The following BRWD1 variants were observed in gnomAD, a reference collection of about 807,000 sequenced individuals.
The protein encoded by BRWD1 is bromodomain and WD repeat-containing protein 1.
In BRWD1, 82 loss-of-function variants were observed where a neutral mutation model predicts 251.2. The ratio of observed to expected loss-of-function variants is 0.33; its 90% CI spans 0.27 to 0.39. The LOEUF is 0.39. BRWD1 is among the 10% of genes least tolerant of loss of function. The pLI, the probability that BRWD1 is intolerant of heterozygous loss-of-function variation, is 1.00. For missense variants in BRWD1, 2,233 were observed against 2,711.6 expected, an observed-to-expected ratio of 0.82 and a Z score of 3.92; for synonymous variants, 918 against 902.8, an observed-to-expected ratio of 1.02 and a Z score of -0.30.
chr21:39,234,648 T>C (rs1291534553), intron 23 of BRWD1, among the ~76,000 whole-genome samples: 1 of 152,170 alleles, frequency 6.6e-6, no homozygotes, highest in Non-Finnish European at 1.5e-5. Context: ...ACAATTTAAA[T>C]GGGGCAAAAG....
chr21:39,203,102 G>A (rs1256678203), intron 37 of BRWD1, among the ~76,000 whole-genome samples: 1 of 152,234 alleles, frequency 6.6e-6, no homozygotes. Context: ...AAGGAGAATG[G>A]AAGTTTAAGG....
intron 31 of BRWD1, 64 bp from the exon 32 acceptor site, chr21:39,215,426 T>A: frequency 4.2e-6 from 6 of 1,412,832 alleles, no homozygotes; most frequent in Non-Finnish European, 5.9e-6. Context: ...AGTGAAAAAA[T>A]GCAGCATGTG....
chr21:39,313,016 C>A (rs1376848691), intron 3 of BRWD1, 56 bp downstream of exon 3: 1 of 1,208,058 alleles, frequency 8.3e-7, no homozygotes, highest in African/African-American at 1.8e-5. Flanking sequence ...GAGCATCCCT[C>A]AGGGCAAGGT....
chr21:39,308,781 CA>C lies in BRWD1; in HGVS notation c.198+4059del, dbSNP rs568988521. Among the ~76,000 whole-genome samples the C allele has an allele frequency of 4.4e-3, 675 of 152,188 alleles. 5 individuals are homozygous for C. The highest frequency in any genetic ancestry group is 0.016 in the African/African-American group (652 of 41,526). ...GTTACCATCATAAGGAACAATAAGA[CA>C]AATACAGAATGTAAAACATTCTACA... On this transcript the variant is annotated intron_variant, in intron 4 of 40. Coordinates refer to ENST00000342449, the MANE Select transcript of BRWD1 (RefSeq NM_033656.4).
chr21:39,219,787 A>C (rs2033099960), intron 29 of BRWD1: 1 of 152,228 alleles, frequency 6.6e-6, no homozygotes, highest in African/African-American at 2.4e-5. Flanking sequence ...GGAATTTTTT[A>C]AACATGGATG....
intron 4 of BRWD1, among the ~76,000 whole-genome samples, chr21:39,301,809 C>T (rs945098355): frequency 6.8e-6 from 1 of 147,994 alleles, no homozygotes; most frequent in Non-Finnish European, 1.5e-5. Context: ...AGACCAAAAA[C>T]AACATTATTT....
chr21:39,222,989 C>G (rs1306395138), intron 29 of BRWD1, among the ~76,000 whole-genome samples: 1 of 152,040 alleles, frequency 6.6e-6, no homozygotes, highest in Non-Finnish European at 1.5e-5. Flanking sequence ...ACATCAAACC[C>G]AAACTAATGG....
chr21:39,236,208 G>A (rs1270974917), intron 23 of BRWD1, among the ~76,000 whole-genome samples: 1 of 152,158 alleles, frequency 6.6e-6, no homozygotes, highest in East Asian at 1.9e-4. Context: ...GTCCTGCAAA[G>A]GACTCCGCAT....
In BRWD1 at chr21:39,192,766, A is replaced by G. The variant is rs2031618271; in HGVS notation, c.*3493T>C. 1.0e-6 allele frequency: 1 copy of G among 985,180 alleles called. No homozygotes were observed. The highest frequency in any genetic ancestry group is 1.2e-6 in the Non-Finnish European group (1 of 829,750). 61.0% of individuals were successfully genotyped at this position (985,180 alleles called of 1,614,324 possible). On this transcript the variant is annotated 3_prime_UTR_variant, in exon 41 of 41. Coordinates refer to ENST00000342449, the MANE Select transcript of BRWD1 (RefSeq NM_033656.4). The stretch of plus-strand genomic sequence containing the variant: ...TGGAGTGGAAAGGAAAACAAAAAAG[A>G]TCGTAAGCACCTTTAACAATGTTCT...
intron 19 of BRWD1, among the ~76,000 whole-genome samples, chr21:39,252,016 C>G (rs925080297): frequency 6.6e-6 from 1 of 151,972 alleles, no homozygotes; most frequent in Non-Finnish European, 1.5e-5. Flanking sequence ...CCTGTAATCC[C>G]AGCACTTTAG....
chr21:39,185,892 A>G lies in BRWD1; in HGVS notation c.*10367T>C, dbSNP rs2031204769. The G allele has an allele frequency of 6.6e-6, 1 of 152,200 alleles. No homozygotes were observed. Among genetic ancestry groups the G allele is most frequent in the African/African-American group, 2.4e-5 (1 of 41,460 alleles). 9.4% of individuals were successfully genotyped at this position (152,200 alleles called of 1,614,324 possible). A position where few individuals can be genotyped will look rare whatever the true frequency, so the allele number is the denominator to read the frequency against. ...CTATGTTAAAAAGATGCGACAGTATATTCATTTAATCTGGCAATTTTAATT... is the reference window on the plus strand; with the variant it reads ...CTATGTTAAAAAGATGCGACAGTATGTTCATTTAATCTGGCAATTTTAATT... On this transcript the variant is annotated 3_prime_UTR_variant, in exon 41 of 41. Coordinates refer to ENST00000342449, the MANE Select transcript of BRWD1 (RefSeq NM_033656.4).
In BRWD1 at chr21:39,311,781, G is replaced by T. The variant is rs1354038081; in HGVS notation, c.198+1060C>A. ...CAAATATTAAAATTATTTATTACTT[G>T]CACCAGGCTTCAAGTGTTAACTGTT... On this transcript the variant is annotated intron_variant, in intron 4 of 40. Transcript: ENST00000342449. Among the ~76,000 whole-genome samples the T allele has an allele frequency of 2.0e-5, 3 of 152,252 alleles. No individual in the cohort carries two copies. In the East Asian group the frequency reaches 5.8e-4, roughly 29 times the overall value.
Position 39,218,248 on chromosome 21 carries a change from G to A in BRWD1, c.3563C>T (p.Pro1188Leu). 6.2e-7 allele frequency: 1 copy of A among 1,609,312 alleles called. No homozygotes were observed. Among genetic ancestry groups the A allele is most frequent in the Non-Finnish European group, 8.5e-7 (1 of 1,178,940 alleles). Residue 1188 changes from proline to leucine, a missense_variant, in exon 31 of 41, where the codon CCT (proline) becomes CTT (leucine). This residue lies in a region of BRWD1 where 167 missense variants were observed against 183.2 expected (regional missense o/e 0.91). Coordinates refer to ENST00000342449, the MANE Select transcript of BRWD1 (RefSeq NM_033656.4). ...NLDIAAAFAGPVDLCTYPKYC... is the reference protein window; with the variant it reads ...NLDIAAAFAGLVDLCTYPKYC... ...CTTCGGGTATGTACACAAATCAACA[G>A]GGCCTGCAAAAGCTGCTGCTATATC...
chr21:39,233,109 G>C (rs1326777068), intron 23 of BRWD1, among the ~76,000 whole-genome samples: 1 of 152,152 alleles, frequency 6.6e-6, no homozygotes, highest in Non-Finnish European at 1.5e-5. Flanking sequence ...AACTCAAGCA[G>C]CCAGCTTGAG....
intron 29 of BRWD1, among the ~76,000 whole-genome samples, chr21:39,218,963 T>C (rs576970184): frequency 1.3e-5 from 2 of 152,276 alleles, no homozygotes; most frequent in East Asian, 1.9e-4. Flanking sequence ...AAAACACAAA[T>C]TGAACCTGAC....
intron 22 of BRWD1, 130 bp from the exon 23 acceptor site, chr21:39,236,914 G>A (rs2033831155): frequency 5.6e-6 from 4 of 718,478 alleles, no homozygotes; most frequent in African/African-American, 3.6e-5. Context: ...GACTTAACTT[G>A]AGCATTCTCC....
chr21:39,236,716 G>A lies in BRWD1; in HGVS notation c.2645C>T (p.Thr882Ile). The A allele has an allele frequency of 1.2e-6, 2 of 1,614,106 alleles. No individual in the cohort carries two copies. The highest frequency in any genetic ancestry group is 8.5e-7 in the Non-Finnish European group (1 of 1,180,006). The change falls in exon 23 of 41, where the codon ACA becomes ATA. Residue 882 changes from threonine (T) to isoleucine (I), a missense_variant. Around this residue, in one of 12 missense-constraint regions of BRWD1, gnomAD observed 214 missense variants for 222.0 expected, o/e 0.96. Coordinates refer to ENST00000342449, the MANE Select transcript of BRWD1 (RefSeq NM_033656.4). ...TCGAGTAATTCGTCGACGACATGAT[G>A]TTCTTAAAGGAGGCTGCAAATTGAT... ...AGINLQPPLR[T>I]SCRRRITRFC...
At chr21:39,270,844 G>A (rs900684543) in intron 13 of BRWD1, among the ~76,000 whole-genome samples, 8 of 152,164 alleles carry the variant, frequency 5.3e-5, no homozygotes, top group Non-Finnish European at 7.3e-5. Context: ...TATCCCCAAT[G>A]TTTAGAAAAA....
chr21:39,269,762 T>C (rs568997301), intron 15 of BRWD1, 137 bp downstream of exon 15: 2 of 617,248 alleles, frequency 3.2e-6, no homozygotes, highest in South Asian at 1.1e-4. Context: ...CTGTCTAATA[T>C]TTAGCAGGCT....
Sources: allele counts gnomAD v4.1 joint callset (sites outside exome capture counted in the v4.1 genomes callset), GRCh38; gene constraint gnomAD v4.1.1; regional missense constraint gnomAD v4.1.1; transcripts MANE v1.5; gene names NCBI Gene and HGNC (gene_info 2026-07-23, HGNC 2026-07-21).